Variants in KLHL32 observed in about 807,000 individuals in gnomAD.
KLHL32 encodes kelch like family member 32.
KLHL32 carries 35 observed loss-of-function variants against 64.8 expected under a neutral mutation model. That is an observed-to-expected ratio of 0.54 (90% confidence interval 0.41 to 0.72). The LOEUF (loss-of-function observed/expected upper bound fraction) is 0.72, where lower values mean the gene tolerates loss of function less well. KLHL32 is among the 30% of genes least tolerant of loss of function. KLHL32 has a pLI of 0.00. For synonymous variants in KLHL32, 259 were observed against 281.0 expected (o/e 0.92, Z 0.78); for missense variants, 589 against 768.5 (o/e 0.77, Z 2.76).
At chr6:97,026,287 G>A (rs995773023) in intron 3 of KLHL32, among the ~76,000 whole-genome samples, 1 of 151,988 alleles carries the variant, frequency 6.6e-6, no homozygotes, top group African/African-American at 2.4e-5. Flanking sequence ...TGGGAGGATT[G>A]CTTGAGCCCA....
chr6:96,974,590 C>G (rs556358481), intron 2 of KLHL32, among the ~76,000 whole-genome samples: 1 of 152,326 alleles, frequency 6.6e-6, no homozygotes, highest in East Asian at 1.9e-4. Flanking sequence ...CACCGTCTGT[C>G]AAGTTTTTTC....
intron 4 of KLHL32, among the ~76,000 whole-genome samples, chr6:97,063,895 T>C (rs1048172455): frequency 2.0e-5 from 3 of 152,202 alleles, no homozygotes; most frequent in Non-Finnish European, 4.4e-5. Context: ...CATGGTCGTG[T>C]GCCTTTTTTC....
chr6:97,076,187 T>C (rs1791564444), intron 5 of KLHL32, among the ~76,000 whole-genome samples: 1 of 152,202 alleles, frequency 6.6e-6, no homozygotes, highest in Admixed American at 6.5e-5. Flanking sequence ...GTGAAGTATT[T>C]TTTGAGTACA....
chr6:96,987,690 T>C (rs952209832), intron 3 of KLHL32, among the ~76,000 whole-genome samples: 6 of 152,328 alleles, frequency 3.9e-5, no homozygotes, highest in African/African-American at 1.4e-4. Flanking sequence ...TCACGCTACC[T>C]GACTTCAAAC....
intron 6 of KLHL32, among the ~76,000 whole-genome samples, chr6:97,101,255 T>C (rs1286917182): frequency 2.0e-5 from 3 of 152,064 alleles, no homozygotes; most frequent in African/African-American, 7.2e-5. Context: ...AATGACAACA[T>C]AGAAAGATGA....
chr6:96,994,718 A>T (rs1462197688), intron 3 of KLHL32: 3 of 820,872 alleles, frequency 3.7e-6, no homozygotes, highest in Non-Finnish European at 2.9e-6. Context: ...AGAAAGTGAA[A>T]AAACACATTT....
intron 3 of KLHL32, among the ~76,000 whole-genome samples, chr6:97,019,846 C>G (rs1781746031): frequency 1.3e-5 from 2 of 152,030 alleles, no homozygotes; most frequent in Admixed American, 1.3e-4. Flanking sequence ...GTGGCGCGAT[C>G]TTGGCTCACT....
the KLHL32 span, among the ~76,000 whole-genome samples, chr6:96,902,209 G>A: frequency 6.6e-6 from 1 of 152,174 alleles, no homozygotes; most frequent in Non-Finnish European, 1.5e-5. Context: ...CACCAATAGT[G>A]TAAAAGTGTT....
rs555047262 is a variant in KLHL32, at chr6:97,139,970, G to A, written c.*688G>A. The A allele has an allele frequency of 1.3e-5, 2 of 152,270 alleles. No individual in the cohort carries two copies. The highest frequency in any genetic ancestry group is 2.1e-4 in the South Asian group (1 of 4,830). The allele number at this position is 152,270 out of a possible 1,614,324, so 9.4% of individuals were successfully genotyped here. A position where few individuals can be genotyped will look rare whatever the true frequency, so the allele number is the denominator to read the frequency against. ...CCACGTTAATTTAAAAGAACATTAT[G>A]AGGATTAGGCGAACACTTTGTAATA... On this transcript the variant is annotated 3_prime_UTR_variant, in exon 11 of 11. Transcript: ENST00000369261.
chr6:97,092,984 G>A (rs2128187676), intron 6 of KLHL32, among the ~76,000 whole-genome samples: 1 of 152,246 alleles, frequency 6.6e-6, no homozygotes, highest in African/African-American at 2.4e-5. Context: ...TAAAGAATGA[G>A]CACAACAGAA....
chr6:96,902,117 G>A, the KLHL32 span, among the ~76,000 whole-genome samples: 2 of 152,118 alleles, frequency 1.3e-5, no homozygotes, highest in African/African-American at 2.4e-5. Context: ...ATGGGATTGT[G>A]GGCTTGGATA....
chr6:97,135,299 ATTTTTTT>A (rs747635380), intron 10 of KLHL32, among the ~76,000 whole-genome samples: 1,281 of 109,564 alleles, frequency 0.012, 41 homozygotes, highest in African/African-American at 0.044. Flanking sequence ...AAATTTGTTA[ATTTTTTT>A]TTTTTTTTTT....
intron 2 of KLHL32, among the ~76,000 whole-genome samples, chr6:96,970,373 T>C (rs1774978852): frequency 6.6e-6 from 1 of 152,210 alleles, no homozygotes; most frequent in Admixed American, 6.5e-5. Flanking sequence ...TAACTTTCTG[T>C]AGACACTCTA....
chr6:96,961,969 C>T (rs187691893), intron 1 of KLHL32, among the ~76,000 whole-genome samples: 104 of 152,202 alleles, frequency 6.8e-4, no homozygotes, highest in African/African-American at 2.4e-3. Context: ...CCGTTACTAC[C>T]GTGACCCATA....
At chr6:97,085,080 T>C in intron 5 of KLHL32, 46 bp from the exon 6 acceptor site, 1 of 1,545,738 alleles carries the variant, frequency 6.5e-7, no homozygotes, top group African/African-American at 1.4e-5. Flanking sequence ...CTTTCTCGGA[T>C]TTATTTCTAA....
At chr6:96,913,603 A>G in the KLHL32 span, among the ~76,000 whole-genome samples, 1 of 152,236 alleles carries the variant, frequency 6.6e-6, no homozygotes, top group African/African-American at 2.4e-5. Flanking sequence ...TGCAGTCTAG[A>G]TGGGTCGGTA....
intron 5 of KLHL32, among the ~76,000 whole-genome samples, chr6:97,074,388 C>T (rs1791255807): frequency 6.6e-6 from 1 of 152,144 alleles, no homozygotes; most frequent in Non-Finnish European, 1.5e-5. Context: ...TGTTAAGTCA[C>T]TGATATTCAG....
rs752775219 is a variant in KLHL32, at chr6:96,966,984, C to A, written c.-65-12C>A. The A allele has an allele frequency of 2.2e-6, 3 of 1,371,426 alleles. No homozygotes were observed. Among genetic ancestry groups the A allele is most frequent in the Admixed American group, 1.7e-5 (1 of 58,208 alleles). 85.0% of individuals were successfully genotyped at this position (1,371,426 alleles called of 1,614,324 possible). ...AGCTCAATGCACCCTTTTCTCTTGT[C>A]TTTTTATTCAGCTGGAATGCTTGCT... On this transcript the variant is annotated splice_polypyrimidine_tract_variant and intron_variant, in intron 1 of 10. Coordinates refer to ENST00000369261, the MANE Select transcript of KLHL32 (RefSeq NM_052904.4).
At chr6:96,969,907 C>G (rs1289289842) in intron 2 of KLHL32, among the ~76,000 whole-genome samples, 5 of 152,166 alleles carry the variant, frequency 3.3e-5, no homozygotes, top group Admixed American at 6.5e-5. Flanking sequence ...TCAAACTTAA[C>G]ATGTCCCAAA....
Sources: allele counts gnomAD v4.1 joint callset (sites outside exome capture counted in the v4.1 genomes callset), GRCh38; gene constraint gnomAD v4.1.1; transcripts MANE v1.5; gene names NCBI Gene and HGNC (gene_info 2026-07-23, HGNC 2026-07-21).